MRPL50: variants seen among roughly 807,000 people sequenced by gnomAD.
MRPL50 encodes the protein mitochondrial ribosomal protein L50.
A neutral mutation model predicts 16.2 loss-of-function variants in MRPL50; 10 were observed. The ratio of observed to expected loss-of-function variants is 0.62; its 90% confidence interval spans 0.38 to 1.05. The LOEUF is 1.05. Among genes scored for constraint, MRPL50 ranks in the 50% least tolerant of loss-of-function variants. The pLI, the probability that MRPL50 is intolerant of heterozygous loss-of-function variation, is 0.01. For missense variants in MRPL50, 213 were observed against 187.1 expected (o/e 1.14, Z -0.81); for synonymous variants, 68 against 66.8 (o/e 1.02, Z -0.09).
Position 101,389,552 on chromosome 9 carries a change from T to C in MRPL50, c.*914A>G. On this transcript the variant is annotated 3_prime_UTR_variant, in exon 2 of 2. Transcript: ENST00000374865. ...CCTTCTATCACTTTTCTTTAGGAAT[T>C]GTCAGCAGTCAGAACAATATAAGAC... 2.8e-6 allele frequency: 3 copies of C among 1,059,556 alleles called. No homozygotes were observed. The highest frequency in any genetic ancestry group is 2.7e-5 in the South Asian group (2 of 74,786). The allele number at this position is 1,059,556 out of a possible 1,614,324, so 65.6% of individuals were successfully genotyped here.
intron 1 of MRPL50, among the ~76,000 whole-genome samples, chr9:101,395,063 C>T (rs1357015656): frequency 6.6e-6 from 1 of 151,960 alleles, no homozygotes; most frequent in Non-Finnish European, 1.5e-5. Context: ...ATACAAGGAA[C>T]CCAAACAACT....
At chr9:101,396,024 G>A (rs1448795784) in intron 1 of MRPL50, among the ~76,000 whole-genome samples, 2 of 152,126 alleles carry the variant, frequency 1.3e-5, no homozygotes, top group Non-Finnish European at 2.9e-5. Context: ...CACATTGTAT[G>A]CTTGCATCAA....
At chr9:101,396,719 G>A (rs13440281) in intron 1 of MRPL50, among the ~76,000 whole-genome samples, 428 of 152,082 alleles carry the variant, frequency 2.8e-3, no homozygotes, top group African/African-American at 0.01. Context: ...TGAGGTAGGT[G>A]GATCATGAGG....
rs1369185323 is a variant in MRPL50 at position 101,390,572 on chromosome 9, C to T, written c.371G>A (p.Arg124Lys). ...NSRLHQMCRV[R>K]DVLDFYNVPI... ...GACATTATAGAAATCAAGAACATCTCTAACCCTGCACATCTGGTGGAGTCT... is the reference window on the plus strand; with the variant it reads ...GACATTATAGAAATCAAGAACATCTTTAACCCTGCACATCTGGTGGAGTCT... The change falls in exon 2 of 2, where the codon AGA becomes AAA. Residue 124 changes from arginine to lysine, a missense_variant. By Grantham distance (26) the Arg-to-Lys change is conservative (BLOSUM62 2). Transcript: ENST00000374865. 4.3e-6 allele frequency: 7 copies of T among 1,613,326 alleles called. No individual in the cohort carries two copies. In the Admixed American group the frequency reaches 1.2e-4, roughly 27 times the overall value.
chr9:101,390,056 T>C lies in MRPL50; in HGVS notation c.*410A>G. On this transcript the variant is annotated 3_prime_UTR_variant, in exon 2 of 2. Coordinates refer to ENST00000374865, the MANE Select transcript of MRPL50 (RefSeq NM_019051.3). ...TACTTTTATGTTTCTTTTATAGGTA[T>C]CTATCTAATAAAAGTTTATTTGTGT... The C allele has an allele frequency of 3.1e-6, 3 of 956,946 alleles. No homozygotes were observed. The allele number at this position is 956,946 out of a possible 1,614,324, so 59.3% of individuals were successfully genotyped here.
At position 101,395,098 on chromosome 9, in the gene MRPL50, G is replaced by C. The variant is rs549339441; in HGVS notation, c.92+3403C>G. Among the ~76,000 whole-genome samples the C allele has an allele frequency of 2.6e-5, 4 of 152,048 alleles. No homozygotes were observed. The South Asian group carries it at 6.2e-4, about 24-fold the overall frequency. On this transcript the variant is annotated intron_variant, in intron 1 of 1. Transcript: ENST00000374865. ...TCAGTAACAACAACAAAAAAAACCT[G>C]ATTTAAAAATAGCAAAAGATCTGAA...
At chr9:101,392,490 A>C (rs1830286412) in intron 1 of MRPL50, among the ~76,000 whole-genome samples, 1 of 152,084 alleles carries the variant, frequency 6.6e-6, no homozygotes, top group Admixed American at 6.6e-5. Flanking sequence ...TTAAAGGCTA[A>C]TTAGAGATTG....
Position 101,389,399 on chromosome 9 carries a change from G to C in MRPL50, c.*1067C>G, listed in dbSNP as rs1485462223. On this transcript the variant is annotated 3_prime_UTR_variant, in exon 2 of 2. Coordinates refer to ENST00000374865, the MANE Select transcript of MRPL50 (RefSeq NM_019051.3). ...AAGTGCCTGTGGATGATATTTGTAG[G>C]GCATGTCTATACTGTTAACTAATTT... 1 of 1,141,904 alleles carries C rather than the reference G, an allele frequency of 8.8e-7. No individual in the cohort carries two copies. Among genetic ancestry groups the C allele is most frequent in the African/African-American group, 1.6e-5 (1 of 61,842 alleles). 70.7% of individuals were successfully genotyped at this position (1,141,904 alleles called of 1,614,324 possible).
At chr9:101,395,639 C>T (rs995518806) in intron 1 of MRPL50, among the ~76,000 whole-genome samples, 1 of 151,620 alleles carries the variant, frequency 6.6e-6, no homozygotes, top group East Asian at 1.9e-4. Context: ...CTGGAGGACA[C>T]TCTTTAGTGA....
Position 101,396,145 on chromosome 9 carries a change from A to C in MRPL50, c.92+2356T>G, listed in dbSNP as rs968811089. Among the ~76,000 whole-genome samples, 4 of 152,332 alleles carry C rather than the reference A, an allele frequency of 2.6e-5. No homozygotes were observed. The South Asian group carries it at 6.2e-4, about 24-fold the overall frequency. The stretch of plus-strand genomic sequence containing the variant: ...CCCATTAGGATGGTCATTACCAAAA[A>C]GACAAGTGTGGTGAGGACATGGAAA... On this transcript the variant is annotated intron_variant, in intron 1 of 1. Coordinates refer to ENST00000374865, the MANE Select transcript of MRPL50 (RefSeq NM_019051.3).
chr9:101,395,222 T>C (rs1259883882), intron 1 of MRPL50, among the ~76,000 whole-genome samples: 2 of 152,196 alleles, frequency 1.3e-5, no homozygotes, highest in African/African-American at 4.8e-5. Context: ...CAATGAGGTA[T>C]TATCTCACCT....
At chr9:101,393,033 T>C (rs563559489) in intron 1 of MRPL50, among the ~76,000 whole-genome samples, 1 of 152,288 alleles carries the variant, frequency 6.6e-6, no homozygotes, top group African/African-American at 2.4e-5. Flanking sequence ...CATCCCAGAA[T>C]GCAAGAATGG....
chr9:101,396,660 T>G (rs1289153482), intron 1 of MRPL50, among the ~76,000 whole-genome samples: 6 of 152,064 alleles, frequency 3.9e-5, no homozygotes. Context: ...AAAGTCAAAT[T>G]AGGCCGGGTT....
At chr9:101,394,867 T>C (rs1280711858) in intron 1 of MRPL50, among the ~76,000 whole-genome samples, 1 of 152,146 alleles carries the variant, frequency 6.6e-6, no homozygotes, top group East Asian at 1.9e-4. Flanking sequence ...GACTTTGGTC[T>C]GGGCAATGAC....
intron 1 of MRPL50, among the ~76,000 whole-genome samples, chr9:101,396,087 T>C (rs919727172): frequency 6.6e-6 from 1 of 151,370 alleles, no homozygotes; most frequent in Non-Finnish European, 1.5e-5. Flanking sequence ...CCATAAACAT[T>C]AAAAAAAAAT....
chr9:101,388,449 T>C lies in MRPL50; in HGVS notation c.*2017A>G, dbSNP rs1448642194. 1 of 152,102 alleles carries C rather than the reference T, an allele frequency of 6.6e-6. No homozygotes were observed. The highest frequency in any genetic ancestry group is 1.5e-5 in the Non-Finnish European group (1 of 68,006). The allele number at this position is 152,102 out of a possible 1,614,324, so 9.4% of individuals were successfully genotyped here. A position where few individuals can be genotyped will look rare whatever the true frequency, so the allele number is the denominator to read the frequency against. On this transcript the variant is annotated 3_prime_UTR_variant, in exon 2 of 2. Transcript: ENST00000374865. ...TAGAAAATGAGATAATGAAATCCTG[T>C]ACATAAAATTCCAATGATTCCATGC... is the stretch of plus-strand genomic sequence containing the variant.
chr9:101,396,768 C>A (rs998669578), intron 1 of MRPL50, among the ~76,000 whole-genome samples: 1 of 151,906 alleles, frequency 6.6e-6, no homozygotes, highest in Non-Finnish European at 1.5e-5. Flanking sequence ...ATGGAGAAAC[C>A]CTGTCTCTAC....
At chr9:101,398,419 G>T (rs1027209842) in intron 1 of MRPL50, 82 bp downstream of exon 1, 1 of 1,336,294 alleles carries the variant, frequency 7.5e-7, no homozygotes, top group Non-Finnish European at 1.1e-6. Context: ...GACCACGATG[G>T]CGTAACACTC....
intron 1 of MRPL50, among the ~76,000 whole-genome samples, chr9:101,393,363 C>T (rs1830298443): frequency 1.3e-5 from 2 of 152,068 alleles, no homozygotes; most frequent in African/African-American, 2.4e-5. Context: ...AACTTGAAGT[C>T]CTAGCCACAG....
Sources: gnomAD v4.1 joint callset for allele counts (sites outside exome capture counted in the v4.1 genomes callset) on GRCh38, gnomAD v4.1.1 for gene constraint, MANE v1.5 for transcripts, NCBI Gene and HGNC (gene_info 2026-07-23, HGNC 2026-07-21) for gene names.